SNTG1: variants seen among roughly 807,000 people sequenced by gnomAD.
The protein encoded by SNTG1 is syntrophin gamma 1.
A neutral mutation model predicts 74.7 loss-of-function variants in SNTG1; 39 were observed. The observed-to-expected ratio is 0.52, with a 90% CI of 0.40 to 0.68. The LOEUF is 0.68. Ranked by LOEUF, SNTG1 falls within the 30% of genes least tolerant of loss-of-function variation. The pLI is 0.00. For missense variants in SNTG1, 685 were observed against 609.5 expected (o/e 1.12, Z -1.30); for synonymous variants, 254 against 217.1 (o/e 1.17, Z -1.49).
At chr8:50,109,206 T>G (rs992578998) in intron 1 of SNTG1, among the ~76,000 whole-genome samples, 1 of 152,254 alleles carries the variant, frequency 6.6e-6, no homozygotes, top group Non-Finnish European at 1.5e-5. Context: ...CCCTTGAACT[T>G]TGACTATCTT....
intron 1 of SNTG1, among the ~76,000 whole-genome samples, chr8:50,120,404 C>T (rs891017261): frequency 2.1e-5 from 3 of 139,926 alleles, no homozygotes; most frequent in Non-Finnish European, 4.7e-5. Context: ...ACTACCATAA[C>T]TACTACTATC....
chr8:49,936,472 T>C (rs1808091871), intron 1 of SNTG1, among the ~76,000 whole-genome samples: 1 of 152,156 alleles, frequency 6.6e-6, no homozygotes, highest in Non-Finnish European at 1.5e-5. Context: ...AAAATACAAA[T>C]TGTCAAATTG....
At chr8:50,636,950 A>C (rs539985418) in intron 13 of SNTG1, among the ~76,000 whole-genome samples, 43 of 152,248 alleles carry the variant, frequency 2.8e-4, no homozygotes, top group African/African-American at 9.9e-4. Flanking sequence ...TTGGCAGTCA[A>C]CTTCCCTCCA....
chr8:50,084,326 T>TCTAAAAAAAAACACAGAAA (rs1822679298), intron 1 of SNTG1, among the ~76,000 whole-genome samples: 1 of 151,918 alleles, frequency 6.6e-6, no homozygotes, highest in Admixed American at 6.6e-5. Flanking sequence ...CCTGGCATGG[T>TCTAAAAAAAAACACAGAAA]AGTGGGCACC....
intron 8 of SNTG1, among the ~76,000 whole-genome samples, chr8:50,490,626 G>A (rs1350440689): frequency 1.3e-5 from 2 of 152,226 alleles, no homozygotes; most frequent in African/African-American, 4.8e-5. Context: ...AACAAAAATT[G>A]TCCTGAAGGT....
intron 1 of SNTG1, among the ~76,000 whole-genome samples, chr8:50,102,396 T>G (rs1244311762): frequency 6.6e-6 from 1 of 151,428 alleles, no homozygotes; most frequent in African/African-American, 2.4e-5. Context: ...ACCCACTTTT[T>G]GATGGGGTTG....
intron 5 of SNTG1, 79 bp downstream of exon 5, chr8:50,438,678 T>G (rs755737827): frequency 3.9e-5 from 48 of 1,225,992 alleles, no homozygotes; most frequent in Non-Finnish European, 5.2e-5. Context: ...TGTTTGCTGA[T>G]TAATAATTAG....
chr8:50,020,408 T>G (rs1319300192), intron 1 of SNTG1, among the ~76,000 whole-genome samples: 1 of 152,174 alleles, frequency 6.6e-6, no homozygotes, highest in Admixed American at 6.6e-5. Context: ...ATCATTGGTT[T>G]TAATGCAAGC....
At chr8:50,030,361 G>T (rs961813709) in intron 1 of SNTG1, among the ~76,000 whole-genome samples, 5 of 151,924 alleles carry the variant, frequency 3.3e-5, no homozygotes, top group Admixed American at 6.6e-5. Context: ...GATCCTATTT[G>T]TCCATTTTTG....
At chr8:50,012,638 TACTC>T (rs970466220) in intron 1 of SNTG1, among the ~76,000 whole-genome samples, 1 of 152,256 alleles carries the variant, frequency 6.6e-6, no homozygotes. Context: ...GACAGTTTGT[TACTC>T]ACAGTTCCCT....
At chr8:49,991,244 G>A (rs1316496038) in intron 1 of SNTG1, among the ~76,000 whole-genome samples, 1 of 152,038 alleles carries the variant, frequency 6.6e-6, no homozygotes, top group Non-Finnish European at 1.5e-5. Flanking sequence ...CAATTAAATG[G>A]CATTTCATAT....
chr8:50,068,142 T>C (rs986771315), intron 1 of SNTG1, among the ~76,000 whole-genome samples: 1 of 152,206 alleles, frequency 6.6e-6, no homozygotes, highest in Non-Finnish European at 1.5e-5. Context: ...GTTTTGGTCC[T>C]TGATCAATGA....
At chr8:50,264,804 A>G (rs550162786) in intron 2 of SNTG1, among the ~76,000 whole-genome samples, 40 of 152,194 alleles carry the variant, frequency 2.6e-4, no homozygotes, top group African/African-American at 8.9e-4. Context: ...GGAGAACATC[A>G]TTACTGAGCT....
At chr8:50,677,383 T>G (rs2095313306) in intron 15 of SNTG1, among the ~76,000 whole-genome samples, 1 of 151,946 alleles carries the variant, frequency 6.6e-6, no homozygotes, top group Admixed American at 6.6e-5. Context: ...TTAGTAAAAT[T>G]TTATATGGAC....
chr8:50,065,160 T>G (rs567530867), intron 1 of SNTG1, among the ~76,000 whole-genome samples: 1 of 152,328 alleles, frequency 6.6e-6, no homozygotes, highest in African/African-American at 2.4e-5. Flanking sequence ...AATAAAATAA[T>G]CAATTTACTT....
chr8:49,998,030 C>G (rs1457908948), intron 1 of SNTG1, among the ~76,000 whole-genome samples: 3 of 152,178 alleles, frequency 2.0e-5, no homozygotes, highest in African/African-American at 7.2e-5. Context: ...TACACCTGGT[C>G]TATATGGTAT....
intron 15 of SNTG1, among the ~76,000 whole-genome samples, chr8:50,672,548 G>C (rs1204930551): frequency 6.6e-6 from 1 of 150,750 alleles, no homozygotes; most frequent in Non-Finnish European, 1.5e-5. Flanking sequence ...TTTTTTTCTT[G>C]TAAATTTGTT....
intron 1 of SNTG1, among the ~76,000 whole-genome samples, chr8:50,108,833 A>C (rs1200743248): frequency 6.6e-6 from 1 of 152,088 alleles, no homozygotes; most frequent in Non-Finnish European, 1.5e-5. Flanking sequence ...TTACACTAAA[A>C]CAACTGTGGT....
At chr8:50,762,680 T>C in intron 18 of SNTG1, 3 of 474,198 alleles carry the variant, frequency 6.3e-6, no homozygotes, top group Non-Finnish European at 1.3e-5. Context: ...CTGACCTGTC[T>C]TCTACCCGAA....
Sources: gnomAD v4.1 joint callset for allele counts (sites outside exome capture counted in the v4.1 genomes callset) on GRCh38, gnomAD v4.1.1 for gene constraint, MANE v1.5 for transcripts, NCBI Gene and HGNC (gene_info 2026-07-23, HGNC 2026-07-21) for gene names.